The following PTPRF variants were observed in gnomAD, a reference collection of about 807,000 sequenced individuals.
The protein encoded by PTPRF is protein tyrosine phosphatase receptor type F, also known as receptor-type tyrosine-protein phosphatase F.
In PTPRF, 59 loss-of-function variants were observed where a neutral mutation model predicts 201.8. That is an observed-to-expected ratio of 0.29 (90% CI 0.24 to 0.36). The LOEUF (loss-of-function observed/expected upper bound fraction) is 0.36. Ranked by LOEUF, PTPRF falls within the 10% of genes least tolerant of loss-of-function variation. PTPRF has a pLI of 1.00. For missense variants in PTPRF, 2,132 were observed against 2,690.5 expected, an observed-to-expected ratio of 0.79 and a Z score of 4.59; for synonymous variants, 1,088 against 1,089.7, an observed-to-expected ratio of 1.00 and a Z score of 0.03.
At chr1:43,552,660 A>AT (rs1014780627) in intron 3 of PTPRF, among the ~76,000 whole-genome samples, 5 of 152,132 alleles carry the variant, frequency 3.3e-5, no homozygotes, top group African/African-American at 1.2e-4. Context: ...TTGCTACAAG[A>AT]TTGTAGCAAA....
At chr1:43,611,573 G>A (rs140884608) in intron 22 of PTPRF, among the ~76,000 whole-genome samples, 50 of 152,312 alleles carry the variant, frequency 3.3e-4, no homozygotes, top group African/African-American at 1.2e-3. Flanking sequence ...TGCCAGGGAG[G>A]TAGGTATTAA....
intron 5 of PTPRF, among the ~76,000 whole-genome samples, chr1:43,555,990 AT>A (rs1645343013): frequency 6.6e-6 from 1 of 152,136 alleles, no homozygotes. Flanking sequence ...TTTCCAGAAG[AT>A]TGTGTCAATT....
intron 1 of PTPRF, among the ~76,000 whole-genome samples, chr1:43,532,242 C>A (rs1271310644): frequency 6.6e-6 from 1 of 152,172 alleles, no homozygotes; most frequent in Non-Finnish European, 1.5e-5. Flanking sequence ...GGGGGAGGGG[C>A]TAGACTTTCT....
In PTPRF at chr1:43,542,337, G is replaced by T. The variant is rs566445326; in HGVS notation, c.-45-2694G>T. Among the ~76,000 whole-genome samples the T allele has an allele frequency of 7.9e-5, 12 of 152,150 alleles. No individual in the cohort carries two copies. The highest frequency in any genetic ancestry group is 1.8e-4 in the Non-Finnish European group (12 of 68,014). ...AGAGTAGTTGCCTGAGAATGTGTTTGTGTGTGTCCCTTGTGTTTCCCCATC... is the reference window on the plus strand; with the variant it reads ...AGAGTAGTTGCCTGAGAATGTGTTTTTGTGTGTCCCTTGTGTTTCCCCATC... On this transcript the variant is annotated intron_variant, in intron 2 of 33. Transcript: ENST00000359947. The surrounding 1 kb of genome is among the most constrained non-coding windows in gnomAD (Gnocchi z 5.2).
At chr1:43,605,168 T>G in intron 17 of PTPRF, 22 bp from the exon 18 acceptor site, 1 of 1,582,408 alleles carries the variant, frequency 6.3e-7, no homozygotes. Context: ...AAGGCATTGA[T>G]TGCCCCTCCC....
At chr1:43,615,857 A>G (rs972680875) in intron 23 of PTPRF, among the ~76,000 whole-genome samples, 1 of 152,056 alleles carries the variant, frequency 6.6e-6, no homozygotes, top group African/African-American at 2.4e-5. Flanking sequence ...GAGCCACTGC[A>G]CCAGGCCTGC....
At chr1:43,523,630 T>C (rs1261912005), upstream of PTPRF, among the ~76,000 whole-genome samples, 3 of 151,968 alleles carry the variant, frequency 2.0e-5, no homozygotes, top group African/African-American at 7.3e-5. Context: ...GACATGGAGA[T>C]CATAGCACAG....
intron 7 of PTPRF, among the ~76,000 whole-genome samples, chr1:43,584,786 T>A (rs1458877577): frequency 6.6e-6 from 1 of 152,240 alleles, no homozygotes; most frequent in African/African-American, 2.4e-5. Context: ...TTATTTTATC[T>A]TGATACAGTG....
intron 6 of PTPRF, among the ~76,000 whole-genome samples, chr1:43,577,183 C>T (rs1246635183): frequency 6.6e-6 from 1 of 152,206 alleles, no homozygotes; most frequent in African/African-American, 2.4e-5. Context: ...GTCTCCCTCA[C>T]CCCACCCACA....
chr1:43,541,998 A>G (rs1644390967), intron 2 of PTPRF, among the ~76,000 whole-genome samples: 1 of 152,198 alleles, frequency 6.6e-6, no homozygotes, highest in South Asian at 2.1e-4. Flanking sequence ...ACACCGTTGC[A>G]TGGATTCACA....
chr1:43,574,223 G>C (rs961033509), intron 6 of PTPRF, among the ~76,000 whole-genome samples: 1 of 151,502 alleles, frequency 6.6e-6, no homozygotes, highest in Non-Finnish European at 1.5e-5. Flanking sequence ...CTTGAACTCC[G>C]AACCTCGGGT....
At chr1:43,602,796 G>A (rs1454927780) in intron 14 of PTPRF, among the ~76,000 whole-genome samples, 1 of 152,216 alleles carries the variant, frequency 6.6e-6, no homozygotes, top group East Asian at 1.9e-4. Context: ...ACTGAGAACA[G>A]ATGTGGAAGC....
chr1:43,545,091 G>A lies in PTPRF; in HGVS notation c.16G>A (p.Ala6Thr). The A allele has an allele frequency of 6.3e-7, 1 of 1,582,038 alleles. No individual in the cohort carries two copies. MAPEP[A>T]PGRTMVPLVP... ...AGAGCCCTGGATGGCCCCTGAGCCA[G>A]CCCCAGGGAGGACGATGGTGCCCCT... is the stretch of plus-strand genomic sequence containing the variant. The change falls in exon 3 of 34, where the codon GCC becomes ACC. Residue 6 changes from alanine to threonine, a missense_variant. Ala to Thr is a moderately conservative substitution (Grantham distance 58). This residue lies in a region of PTPRF where 297 missense variants were observed against 454.0 expected (regional missense o/e 0.65). Coordinates refer to ENST00000359947, the MANE Select transcript of PTPRF (RefSeq NM_002840.5).
At chr1:43,532,285 C>T (rs1377145925) in intron 1 of PTPRF, among the ~76,000 whole-genome samples, 1 of 152,210 alleles carries the variant, frequency 6.6e-6, no homozygotes, top group Non-Finnish European at 1.5e-5. Flanking sequence ...CCCCAGTGCA[C>T]GGCCCCTGAG....
chr1:43,618,583 C>T (rs1391294428), intron 25 of PTPRF, 47 bp from the exon 26 acceptor site: 6 of 1,573,390 alleles, frequency 3.8e-6, no homozygotes. Context: ...TTCTGCCCGT[C>T]TGAGCCTGTG....
In PTPRF at chr1:43,622,436, A is replaced by T; in HGVS notation, c.*433A>T. ...TGGGCCACTGTAGGGGTTGGGGTTT[A>T]TTTTGTTTTGTTTTTTTTTTTCTTG... On this transcript the variant is annotated 3_prime_UTR_variant, in exon 34 of 34. Transcript: ENST00000359947. 1 of 159,946 alleles carries T rather than the reference A, an allele frequency of 6.3e-6. No individual in the cohort carries two copies. Among genetic ancestry groups the T allele is most frequent in the Non-Finnish European group, 1.4e-5 (1 of 74,026 alleles). 9.9% of individuals were successfully genotyped at this position (159,946 alleles called of 1,614,324 possible). A position where few individuals can be genotyped will look rare whatever the true frequency, so the allele number is the denominator to read the frequency against.
At position 43,589,015 on chromosome 1, in the gene PTPRF, T is replaced by C; in HGVS notation, c.949+15T>C. 1 of 1,520,826 alleles carries C rather than the reference T, an allele frequency of 6.6e-7. No individual in the cohort carries two copies. The highest frequency in any genetic ancestry group is 8.8e-7 in the Non-Finnish European group (1 of 1,130,262). 94.2% of individuals were successfully genotyped at this position (1,520,826 alleles called of 1,614,324 possible). A position where few individuals can be genotyped will look rare whatever the true frequency, so the allele number is the denominator to read the frequency against. The stretch of plus-strand genomic sequence containing the variant: ...CACAGTGAAAGGTGAGTGTGGCAGG[T>C]GCTGTAACCAGTGCCCTCCCTGTCA... On this transcript the variant is annotated intron_variant, in intron 8 of 33. Transcript: ENST00000359947.
At chr1:43,564,541 C>T (rs889140591) in intron 5 of PTPRF, among the ~76,000 whole-genome samples, 1 of 152,188 alleles carries the variant, frequency 6.6e-6, no homozygotes, top group Non-Finnish European at 1.5e-5. Context: ...ACTGCAGGTG[C>T]CCCTCCACAT....
At chr1:43,582,953 C>T (rs1056907683) in intron 7 of PTPRF, 3 of 540,958 alleles carry the variant, frequency 5.5e-6, no homozygotes, top group Non-Finnish European at 7.1e-6. Flanking sequence ...AGTCTCGTCT[C>T]GTCTCCGTGC....
Sources: gnomAD v4.1 joint callset for allele counts (sites outside exome capture counted in the v4.1 genomes callset) on GRCh38, gnomAD v4.1.1 for gene constraint, gnomAD v4.1.1 regional missense constraint, Gnocchi (gnomAD v3.1) non-coding constraint, MANE v1.5 for transcripts, NCBI Gene and HGNC (gene_info 2026-07-23, HGNC 2026-07-21) for gene names.